Variants in SEMA3A observed in about 807,000 individuals in gnomAD.
The protein encoded by SEMA3A is semaphorin 3A.
A neutral mutation model predicts 97.9 loss-of-function variants in SEMA3A; 29 were observed. That is an observed-to-expected ratio of 0.30 (90% CI 0.22 to 0.40). The LOEUF is 0.40. Ranked by LOEUF, SEMA3A falls within the 10% of genes least tolerant of loss-of-function variation. The probability of loss-of-function intolerance (pLI) is 1.00; values close to 1 mark genes in which losing one functional copy is unlikely to be tolerated. For missense variants in SEMA3A, 763 were observed against 951.3 expected, an observed-to-expected ratio of 0.80 and a Z score of 2.60; for synonymous variants, 321 against 323.7, an observed-to-expected ratio of 0.99 and a Z score of 0.09.
chr7:84,409,822 T>C (rs571823822), intron 1 of SEMA3A, among the ~76,000 whole-genome samples: 3 of 152,214 alleles, frequency 2.0e-5, no homozygotes, highest in African/African-American at 7.2e-5. Flanking sequence ...AACAAATTAA[T>C]TTAGAAAGAA....
rs900393563 is a variant in SEMA3A, at chr7:84,424,520, A to C, written c.-245-52620T>G. On this transcript the variant is annotated intron_variant, in intron 1 of 3. Coordinates refer to the SEMA3A transcript ENST00000424555. Reference sequence around the variant, plus strand: ...ATATATAATATATAAATATTAATATATGTTATATATAATATATAAATATTA... The same window carrying C: ...ATATATAATATATAAATATTAATATCTGTTATATATAATATATAAATATTA... 1.4e-4 allele frequency among the ~76,000 whole-genome samples: 11 copies of C among 76,292 alleles called. No homozygotes were observed. The East Asian group carries it at 2.4e-3, about 17-fold the overall frequency. The allele number at this position is 76,292 out of a possible 152,430, so 50.1% of individuals were successfully genotyped here.
intron 11 of SEMA3A, among the ~76,000 whole-genome samples, chr7:84,002,683 C>T (rs1354209681): frequency 6.6e-6 from 1 of 152,070 alleles, no homozygotes; most frequent in Non-Finnish European, 1.5e-5. Flanking sequence ...AAAGTAAACA[C>T]CTAGAATTGC....
At chr7:84,017,718 C>T (rs1373875207) in intron 6 of SEMA3A, among the ~76,000 whole-genome samples, 3 of 152,150 alleles carry the variant, frequency 2.0e-5, no homozygotes, top group Admixed American at 6.6e-5. Flanking sequence ...GTCCCACAAA[C>T]GTTGCCTTCC....
At chr7:84,284,052 G>A (rs1403634428) in intron 3 of SEMA3A, among the ~76,000 whole-genome samples, 6 of 152,072 alleles carry the variant, frequency 3.9e-5, no homozygotes, top group Admixed American at 3.9e-4. Flanking sequence ...GAATGAAGCT[G>A]TTATGGTTAT....
intron 5 of SEMA3A, among the ~76,000 whole-genome samples, chr7:84,058,596 G>A (rs187042068): frequency 2.0e-4 from 31 of 152,252 alleles, no homozygotes; most frequent in African/African-American, 6.5e-4. Flanking sequence ...AATATGGCCT[G>A]TTTCTTTTTC....
Position 84,270,516 on chromosome 7 carries a change from C to A in SEMA3A, c.-83+36691G>T, listed in dbSNP as rs560242966. Among the ~76,000 whole-genome samples, 191 of 147,864 alleles carry A rather than the reference C, an allele frequency of 1.3e-3. 1 individual carries two copies. The highest frequency in any genetic ancestry group is 3.4e-3 in the African/African-American group (140 of 40,664). ...TTTCTTTCTTTCTCTCTCTCTCTCTCTATATGCATATATATGAATAATATA... is the reference window on the plus strand; with the variant it reads ...TTTCTTTCTTTCTCTCTCTCTCTCTATATATGCATATATATGAATAATATA... On this transcript the variant is annotated intron_variant, in intron 3 of 3. Transcript: ENST00000424555.
chr7:84,312,939 CACACGTACACACAT>C (rs1341351365), intron 2 of SEMA3A, among the ~76,000 whole-genome samples: 4 of 126,794 alleles, frequency 3.2e-5, no homozygotes, highest in African/African-American at 1.2e-4. Flanking sequence ...CACACACACA[CACACGTACACACAT>C]ATATGTTACA....
chr7:83,962,573 A>G (rs1284458320), intron 16 of SEMA3A, among the ~76,000 whole-genome samples: 1 of 152,202 alleles, frequency 6.6e-6, no homozygotes, highest in Non-Finnish European at 1.5e-5. Context: ...AATCAACTCA[A>G]TAATCTGTTT....
chr7:84,359,187 T>G (rs1349510850), intron 2 of SEMA3A, among the ~76,000 whole-genome samples: 1 of 151,974 alleles, frequency 6.6e-6, no homozygotes, highest in African/African-American at 2.4e-5. Context: ...TGAATAGGAG[T>G]GGTGAGAGAG....
At chr7:84,198,766 T>A (rs1304769771), upstream of SEMA3A, among the ~76,000 whole-genome samples, 1 of 152,158 alleles carries the variant, frequency 6.6e-6, no homozygotes, top group Non-Finnish European at 1.5e-5. Context: ...GTCAAATAGA[T>A]CAGTAGTTTT....
intron 4 of SEMA3A, among the ~76,000 whole-genome samples, chr7:84,076,273 T>A (rs544174744): frequency 6.6e-6 from 1 of 152,322 alleles, no homozygotes. Context: ...TGTAGGTATT[T>A]ACTTTTTTAT....
At chr7:84,478,294 T>C (rs1806354780) in intron 1 of SEMA3A, among the ~76,000 whole-genome samples, 1 of 152,114 alleles carries the variant, frequency 6.6e-6, no homozygotes, top group African/African-American at 2.4e-5. Flanking sequence ...TCCCACACTC[T>C]ACCTGACCTC....
intron 3 of SEMA3A, among the ~76,000 whole-genome samples, chr7:84,306,844 A>C (rs1482606618): frequency 1.3e-5 from 2 of 152,112 alleles, no homozygotes; most frequent in African/African-American, 2.4e-5. Context: ...AGGTTAGCCA[A>C]AATATTTTTG....
chr7:84,022,742 A>G (rs78874263), intron 6 of SEMA3A, among the ~76,000 whole-genome samples: 1,557 of 152,366 alleles, frequency 0.01, 13 homozygotes, highest in Middle Eastern at 0.024. Flanking sequence ...ATAAAACTGC[A>G]ATGTAAACAC....
intron 1 of SEMA3A, among the ~76,000 whole-genome samples, chr7:84,456,046 A>G (rs1390192771): frequency 6.6e-6 from 1 of 151,950 alleles, no homozygotes; most frequent in Non-Finnish European, 1.5e-5. Flanking sequence ...ATCCTTGGCA[A>G]TTCAGGCCTT....
chr7:84,072,770 T>A (rs922205964), intron 4 of SEMA3A, among the ~76,000 whole-genome samples: 5 of 151,986 alleles, frequency 3.3e-5, no homozygotes, highest in African/African-American at 9.7e-5. Flanking sequence ...TATTACAGAG[T>A]TTATAAATTA....
At chr7:84,243,532 T>A (rs961887057) in intron 3 of SEMA3A, among the ~76,000 whole-genome samples, 4 of 152,180 alleles carry the variant, frequency 2.6e-5, no homozygotes, top group African/African-American at 7.2e-5. Context: ...TTGATTCTTC[T>A]CTCTCTTCTT....
intron 3 of SEMA3A, among the ~76,000 whole-genome samples, chr7:84,213,830 C>A (rs1165950460): frequency 6.6e-6 from 1 of 152,106 alleles, no homozygotes; most frequent in African/African-American, 2.4e-5. Flanking sequence ...AAATTTTGAG[C>A]CTAGTACCAA....
chr7:84,021,772 T>G (rs1192293045), intron 6 of SEMA3A, among the ~76,000 whole-genome samples: 1 of 152,210 alleles, frequency 6.6e-6, no homozygotes, highest in South Asian at 2.1e-4. Context: ...TCTCCTGAAC[T>G]AAAAATTGGT....
Sources: gnomAD v4.1 joint callset for allele counts (sites outside exome capture counted in the v4.1 genomes callset) on GRCh38, gnomAD v4.1.1 for gene constraint, MANE v1.5 for transcripts, NCBI Gene and HGNC (gene_info 2026-07-23, HGNC 2026-07-21) for gene names.